ZNF385D: variants seen among roughly 807,000 people sequenced by gnomAD.
The protein encoded by ZNF385D is zinc finger protein 659.
ZNF385D carries 15 observed loss-of-function variants against 35.8 expected under a neutral mutation model. The ratio of observed to expected loss-of-function variants is 0.42; its 90% confidence interval spans 0.28 to 0.64. ZNF385D has a LOEUF of 0.64. Ranked by LOEUF, ZNF385D falls within the 30% of genes least tolerant of loss-of-function variation. The pLI is 0.23. For synonymous variants in ZNF385D, 212 were observed against 186.8 expected (o/e 1.13, Z -1.10); for missense variants, 474 against 494.6 (o/e 0.96, Z 0.39).
intron 2 of ZNF385D, among the ~76,000 whole-genome samples, chr3:22,315,889 G>A (rs1340131053): frequency 6.6e-6 from 1 of 152,114 alleles, no homozygotes; most frequent in East Asian, 1.9e-4. Context: ...ACAAGATTAG[G>A]ATTATAGGAA....
intron 2 of ZNF385D, among the ~76,000 whole-genome samples, chr3:22,272,113 G>A (rs1379455242): frequency 6.6e-6 from 1 of 151,996 alleles, no homozygotes; most frequent in Non-Finnish European, 1.5e-5. Context: ...CTGAAGAGAA[G>A]AAGGCAGTTA....
chr3:21,577,960 C>T (rs1043914407), intron 2 of ZNF385D, among the ~76,000 whole-genome samples: 2 of 151,886 alleles, frequency 1.3e-5, no homozygotes, highest in Non-Finnish European at 2.9e-5. Context: ...CAGGTGCTCA[C>T]CATCAAGCCT....
At chr3:21,661,506 A>G (rs1457674210) in intron 2 of ZNF385D, among the ~76,000 whole-genome samples, 1 of 152,158 alleles carries the variant, frequency 6.6e-6, no homozygotes, top group Non-Finnish European at 1.5e-5. Flanking sequence ...CTTCCTAAAC[A>G]TCATCTATCT....
intron 3 of ZNF385D, among the ~76,000 whole-genome samples, chr3:21,775,359 G>C (rs2071244035): frequency 6.6e-6 from 1 of 151,682 alleles, no homozygotes; most frequent in South Asian, 2.1e-4. Context: ...AAGGTCATTT[G>C]AAAGTTATGA....
chr3:21,959,656 G>T (rs1405606421), intron 3 of ZNF385D, among the ~76,000 whole-genome samples: 1 of 152,160 alleles, frequency 6.6e-6, no homozygotes, highest in Admixed American at 6.5e-5. Context: ...ATGGAAGATG[G>T]GGCTAGCCCC....
intron 3 of ZNF385D, among the ~76,000 whole-genome samples, chr3:21,814,913 A>C (rs1299315355): frequency 2.0e-5 from 3 of 152,176 alleles, no homozygotes; most frequent in African/African-American, 7.2e-5. Flanking sequence ...CTTATTCCAA[A>C]ACTGACCACA....
At chr3:22,134,932 C>A (rs1036388933) in intron 3 of ZNF385D, among the ~76,000 whole-genome samples, 1 of 152,080 alleles carries the variant, frequency 6.6e-6, no homozygotes, top group African/African-American at 2.4e-5. Context: ...AACACTAGTA[C>A]GTAGAAGATT....
intron 3 of ZNF385D, among the ~76,000 whole-genome samples, chr3:22,092,883 T>G (rs1025912133): frequency 1.3e-5 from 2 of 152,210 alleles, no homozygotes; most frequent in Non-Finnish European, 2.9e-5. Flanking sequence ...ATTATTAATT[T>G]TTTAGTTCTC....
intron 2 of ZNF385D, among the ~76,000 whole-genome samples, chr3:21,621,174 T>A (rs1031457817): frequency 6.7e-6 from 1 of 149,152 alleles, no homozygotes; most frequent in Non-Finnish European, 1.5e-5. Flanking sequence ...GGTGGCTTTT[T>A]CCCCTAATAA....
chr3:21,720,630 C>T (rs1403635773), intron 1 of ZNF385D, among the ~76,000 whole-genome samples: 2 of 152,214 alleles, frequency 1.3e-5, no homozygotes, highest in Admixed American at 1.3e-4. Context: ...TGAGGCCCAG[C>T]AATCTGTGTT....
intron 3 of ZNF385D, among the ~76,000 whole-genome samples, chr3:22,106,180 C>T (rs750609027): frequency 1.6e-4 from 24 of 152,092 alleles, no homozygotes; most frequent in Non-Finnish European, 3.2e-4. Context: ...CACTTGCTAC[C>T]TGAGTTGAAA....
intron 2 of ZNF385D, among the ~76,000 whole-genome samples, chr3:22,262,750 T>G (rs929956305): frequency 1.3e-5 from 2 of 151,934 alleles, no homozygotes; most frequent in Non-Finnish European, 2.9e-5. Flanking sequence ...CTTTTTGGGT[T>G]GTTTTGAGGA....
chr3:22,165,267 G>T (rs1311598755), intron 3 of ZNF385D, among the ~76,000 whole-genome samples: 2 of 152,100 alleles, frequency 1.3e-5, no homozygotes, highest in Non-Finnish European at 2.9e-5. Context: ...GGATATATGG[G>T]AACTTTACTT....
chr3:21,635,126 AT>A (rs2065390578), intron 2 of ZNF385D, among the ~76,000 whole-genome samples: 1 of 152,102 alleles, frequency 6.6e-6, no homozygotes, highest in Admixed American at 6.6e-5. Flanking sequence ...TTATTTACCT[AT>A]TTAGTCAATA....
At chr3:21,431,934 A>G (rs1281151101) in intron 5 of ZNF385D, among the ~76,000 whole-genome samples, 1 of 152,192 alleles carries the variant, frequency 6.6e-6, no homozygotes, top group Admixed American at 6.6e-5. Flanking sequence ...CTTGAAGACA[A>G]TGACTAGGTC....
At chr3:21,928,729 C>T (rs1700867610) in intron 3 of ZNF385D, among the ~76,000 whole-genome samples, 1 of 152,062 alleles carries the variant, frequency 6.6e-6, no homozygotes, top group African/African-American at 2.4e-5. Context: ...AACACCTAGA[C>T]ATTTAGATAA....
chr3:21,454,892 C>T, intron 4 of ZNF385D, among the ~76,000 whole-genome samples: 1 of 152,160 alleles, frequency 6.6e-6, no homozygotes, highest in South Asian at 2.1e-4. Flanking sequence ...TCAGCAAAGT[C>T]TCAGGATACA....
intron 3 of ZNF385D, among the ~76,000 whole-genome samples, chr3:22,097,950 A>C (rs775498376): frequency 2.6e-5 from 4 of 152,068 alleles, no homozygotes; most frequent in Middle Eastern, 3.2e-3. Context: ...GTGAGCTTGA[A>C]CAAGGATCAT....
chr3:21,743,791 C>T lies in ZNF385D; in HGVS notation c.22+7104G>A, dbSNP rs73822045. Reference sequence around the variant, plus strand: ...GACACAAACATTCAGTCCATAACACCGATGCATGCCTTCTAAGCAGAATTC... The same window carrying T: ...GACACAAACATTCAGTCCATAACACTGATGCATGCCTTCTAAGCAGAATTC... On this transcript the variant is annotated intron_variant, in intron 1 of 7. Transcript: ENST00000281523. 6.6e-3 allele frequency among the ~76,000 whole-genome samples: 1,008 copies of T among 152,244 alleles called. 15 individuals are homozygous for T. Among genetic ancestry groups the T allele is most frequent in the African/African-American group, 0.023 (943 of 41,540 alleles).
Sources: allele counts gnomAD v4.1 joint callset (sites outside exome capture counted in the v4.1 genomes callset), GRCh38; gene constraint gnomAD v4.1.1; transcripts MANE v1.5; gene names NCBI Gene and HGNC (gene_info 2026-07-23, HGNC 2026-07-21).